AAAS: variants seen among roughly 807,000 people sequenced by gnomAD.
The protein encoded by AAAS is aladin.
In AAAS, 60 loss-of-function variants were observed where a neutral mutation model predicts 75.6. That is an observed-to-expected ratio of 0.79 (90% confidence interval 0.64 to 0.98). The LOEUF is 0.98. Among genes scored for constraint, AAAS ranks in the 50% least tolerant of loss-of-function variants. The pLI, the probability that AAAS is intolerant of heterozygous loss-of-function variation, is 0.00. For synonymous variants in AAAS, 271 were observed against 265.0 expected (o/e 1.02, Z -0.22); for missense variants, 658 against 686.9 (o/e 0.96, Z 0.47).
chr12:53,313,734 G>A (rs1944425434), intron 7 of AAAS, among the ~76,000 whole-genome samples: 1 of 151,082 alleles, frequency 6.6e-6, no homozygotes, highest in Non-Finnish European at 1.5e-5. Context: ...TCAGCTTCCC[G>A]AGTAGCTGGG....
chr12:53,308,040 C>T lies in AAAS; in HGVS notation c.1331+12G>A. 4 of 1,614,088 alleles carry T rather than the reference C, an allele frequency of 2.5e-6. No homozygotes were observed. The highest frequency in any genetic ancestry group is 3.4e-6 in the Non-Finnish European group (4 of 1,179,932). The stretch of plus-strand genomic sequence containing the variant: ...TGAGAAGTCCAGACCTAAGGGCCCA[C>T]ATGGCACTTACCAGGGAAGGAGCTC... On this transcript the variant is annotated intron_variant, in intron 14 of 15. Transcript: ENST00000209873.
intron 7 of AAAS, among the ~76,000 whole-genome samples, chr12:53,311,485 G>A (rs912601763): frequency 5.3e-5 from 8 of 152,156 alleles, no homozygotes; most frequent in South Asian, 2.1e-4. Context: ...CGTGGTGTAC[G>A]CACCTATAGT....
chr12:53,321,381 T>G lies in AAAS; in HGVS notation c.85A>C (p.Ser29Arg). The change falls in exon 1 of 16, where the codon AGT becomes CGT. Residue 29 changes from serine (S) to arginine (R), a missense_variant. Coordinates refer to ENST00000209873, the MANE Select transcript of AAAS (RefSeq NM_015665.6). ...YEHNNELVTG[S>R]SYESPPPDFR... is the part of the protein sequence containing the mutation. The stretch of plus-strand genomic sequence containing the variant: ...TCGGGGGGCGGGCTCTCATAGCTAC[T>G]GCCCGTCACCAGCTCGTTATTGTGC... 3 of 1,614,170 alleles carry G rather than the reference T, an allele frequency of 1.9e-6. No homozygotes were observed. The highest frequency in any genetic ancestry group is 2.5e-6 in the Non-Finnish European group (3 of 1,180,042).
chr12:53,312,999 G>A (rs1205695863), intron 7 of AAAS, among the ~76,000 whole-genome samples: 2 of 151,464 alleles, frequency 1.3e-5, no homozygotes, highest in South Asian at 2.1e-4. Flanking sequence ...TGAGACTACA[G>A]GCGAGCACCA....
chr12:53,310,225 T>C (rs1205208949), intron 7 of AAAS, among the ~76,000 whole-genome samples: 5 of 152,232 alleles, frequency 3.3e-5, no homozygotes, highest in African/African-American at 1.2e-4. Flanking sequence ...CTTATCAAAG[T>C]ACCTCCCAAC....
At chr12:53,311,484 C>G (rs540706469) in intron 7 of AAAS, among the ~76,000 whole-genome samples, 1 of 152,296 alleles carries the variant, frequency 6.6e-6, no homozygotes, top group East Asian at 1.9e-4. Flanking sequence ...GCGTGGTGTA[C>G]GCACCTATAG....
rs1944544856 is a variant in AAAS, at chr12:53,320,991, T to TTGTCCTTCCC, written c.124-309_124-300dup. 7 of 533,906 alleles carry TTGTCCTTCCC rather than the reference T, an allele frequency of 1.3e-5. No homozygotes were observed. In the South Asian group the frequency reaches 1.5e-4, roughly 11 times the overall value. 33.1% of individuals were successfully genotyped at this position (533,906 alleles called of 1,614,324 possible). ...CTCAATAAATGTCAGTTTCCCTTCC[T>TTGTCCTTCCC]TGTCCTTCCCAGGAACACCATGGAA... On this transcript the variant is annotated intron_variant, in intron 1 of 15. Coordinates refer to ENST00000209873, the MANE Select transcript of AAAS (RefSeq NM_015665.6).
chr12:53,313,190 C>T (rs917315511), intron 7 of AAAS, among the ~76,000 whole-genome samples: 1 of 124,782 alleles, frequency 8.0e-6, no homozygotes, highest in Non-Finnish European at 1.6e-5. Context: ...CAGGGTCTCA[C>T]TCTGTTGCCC....
intron 2 of AAAS, among the ~76,000 whole-genome samples, chr12:53,316,160 G>A (rs1279255297): frequency 6.6e-6 from 1 of 152,196 alleles, no homozygotes; most frequent in Non-Finnish European, 1.5e-5. Flanking sequence ...GATAAGAATA[G>A]AAAAGGCCAG....
At chr12:53,311,142 CTA>C (rs1373157341) in intron 7 of AAAS, among the ~76,000 whole-genome samples, 1 of 152,024 alleles carries the variant, frequency 6.6e-6, no homozygotes, top group Non-Finnish European at 1.5e-5. Flanking sequence ...TAGACAGCAT[CTA>C]TGTTGACCAA....
At chr12:53,320,113 C>T (rs1944530300) in intron 2 of AAAS, among the ~76,000 whole-genome samples, 2 of 150,852 alleles carry the variant, frequency 1.3e-5, no homozygotes, top group Admixed American at 1.3e-4. Flanking sequence ...AGTGAAACTC[C>T]ATCTCAAAAA....
chr12:53,314,940 T>G, intron 5 of AAAS, 91 bp from the exon 6 acceptor site: 1 of 1,496,358 alleles, frequency 6.7e-7, no homozygotes, highest in South Asian at 1.2e-5. Context: ...CATGGTTTTT[T>G]CCTACTTTTT....
intron 2 of AAAS, among the ~76,000 whole-genome samples, chr12:53,319,321 C>T (rs1280530857): frequency 1.3e-5 from 2 of 151,894 alleles, no homozygotes; most frequent in African/African-American, 4.8e-5. Flanking sequence ...TCCCAAGTAG[C>T]TGGGAATAAA....
At chr12:53,319,304 A>C (rs185215724) in intron 2 of AAAS, among the ~76,000 whole-genome samples, 4 of 151,960 alleles carry the variant, frequency 2.6e-5, no homozygotes, top group African/African-American at 9.7e-5. Context: ...CCTCCTATAC[A>C]TAAGCCTCCC....
chr12:53,316,869 C>T (rs1402251612), intron 2 of AAAS, among the ~76,000 whole-genome samples: 1 of 144,600 alleles, frequency 6.9e-6, no homozygotes, highest in Non-Finnish European at 1.5e-5. Context: ...CGCCTGAGCT[C>T]AAGAGCTTGA....
intron 11 of AAAS, 74 bp downstream of exon 11, chr12:53,308,651 T>G: frequency 6.2e-7 from 1 of 1,600,364 alleles, no homozygotes; most frequent in Non-Finnish European, 8.6e-7. Flanking sequence ...CCTTTATCCC[T>G]CAGAGCTGCA....
intron 14 of AAAS, 28 bp from the exon 15 acceptor site, chr12:53,307,957 G>A (rs1944317274): frequency 1.2e-6 from 2 of 1,613,690 alleles, no homozygotes. Flanking sequence ...CAGGCAACCG[G>A]AGGCAAGAAG....
chr12:53,308,855 T>C (rs1362307291), intron 10 of AAAS, 40 bp from the exon 11 acceptor site: 2 of 1,613,234 alleles, frequency 1.2e-6, no homozygotes, highest in South Asian at 1.1e-5. Context: ...GGTATGTCTA[T>C]AGTAGAATGC....
At chr12:53,321,261 C>T in intron 1 of AAAS, 82 bp downstream of exon 1, 1 of 1,570,352 alleles carries the variant, frequency 6.4e-7, no homozygotes, top group South Asian at 1.2e-5. Flanking sequence ...TGACCCTGCC[C>T]CTGTCACACT....
Sources: gnomAD v4.1 joint callset for allele counts (sites outside exome capture counted in the v4.1 genomes callset) on GRCh38, gnomAD v4.1.1 for gene constraint, MANE v1.5 for transcripts, NCBI Gene and HGNC (gene_info 2026-07-23, HGNC 2026-07-21) for gene names.